SNX29: variants seen among roughly 807,000 people sequenced by gnomAD.
The protein encoded by SNX29 is sorting nexin-29.
A neutral mutation model predicts 102.1 loss-of-function variants in SNX29; 78 were observed. That is an observed-to-expected ratio of 0.76 (90% confidence interval 0.64 to 0.92). The LOEUF (loss-of-function observed/expected upper bound fraction) is 0.92. Among genes scored for constraint, SNX29 ranks in the 40% least tolerant of loss-of-function variants. The probability of loss-of-function intolerance (pLI) is 0.00; values close to 1 mark genes in which losing one functional copy is unlikely to be tolerated. For synonymous variants in SNX29, 580 were observed against 414.5 expected, an observed-to-expected ratio of 1.40 and a Z score of -4.85; for missense variants, 1,280 against 1,061.7, an observed-to-expected ratio of 1.21 and a Z score of -2.86.
intron 16 of SNX29, chr16:12,372,415 T>A (rs915691913): frequency 1.3e-5 from 2 of 152,220 alleles, no homozygotes; most frequent in African/African-American, 4.8e-5. Flanking sequence ...TCACTTTGTC[T>A]AATCTTATGT....
chr16:12,571,378 A>ACC lies in SNX29; in HGVS notation c.*2752_*2753dup, dbSNP rs1488185688. 4.3e-6 allele frequency: 1 copy of ACC among 231,564 alleles called. No homozygotes were observed. Among genetic ancestry groups the ACC allele is most frequent in the East Asian group, 6.1e-5 (1 of 16,354 alleles). The allele number at this position is 231,564 out of a possible 1,614,324, so 14.3% of individuals were successfully genotyped here. A position where few individuals can be genotyped will look rare whatever the true frequency, so the allele number is the denominator to read the frequency against. On this transcript the variant is annotated 3_prime_UTR_variant, in exon 21 of 21. Coordinates refer to ENST00000566228, the MANE Select transcript of SNX29 (RefSeq NM_032167.5). ...GACCTTATCCATGAGTGGCGAAGAC[A>ACC]CCCCTGAGGAAAGGATTGCTTGCAC... is the stretch of plus-strand genomic sequence containing the variant.
chr16:12,364,198 G>T (rs2082389160), intron 16 of SNX29, among the ~76,000 whole-genome samples: 1 of 151,464 alleles, frequency 6.6e-6, no homozygotes, highest in African/African-American at 2.4e-5. Flanking sequence ...GTTATGTTAT[G>T]TTATGTTATG....
At chr16:12,497,982 C>T (rs1434977488) in intron 19 of SNX29, among the ~76,000 whole-genome samples, 1 of 152,170 alleles carries the variant, frequency 6.6e-6, no homozygotes, top group African/African-American at 2.4e-5. Context: ...GGCTGTAGCA[C>T]TGTCACCAGG....
At chr16:12,327,294 C>T (rs1388989439) in intron 15 of SNX29, among the ~76,000 whole-genome samples, 1 of 152,056 alleles carries the variant, frequency 6.6e-6, no homozygotes, top group African/African-American at 2.4e-5. Context: ...GCAGGATGGG[C>T]GTCCTGTAGT....
chr16:12,100,870 G>A (rs2052980675), intron 11 of SNX29, among the ~76,000 whole-genome samples: 1 of 152,104 alleles, frequency 6.6e-6, no homozygotes, highest in Non-Finnish European at 1.5e-5. Flanking sequence ...CAGCTGGCAG[G>A]TGGGGGTCAC....
rs184485250 is a variant in SNX29, at chr16:12,148,041, T to A, written c.1595+18283T>A. 5.9e-5 allele frequency among the ~76,000 whole-genome samples: 9 copies of A among 152,322 alleles called. No homozygotes were observed. The East Asian group carries it at 1.7e-3, about 29-fold the overall frequency. ...GCTGAATTCGTACTGGTGCCAAACA[T>A]AGCCGAAGCAAAGATGTGTGAGACT... On this transcript the variant is annotated intron_variant, in intron 13 of 20. Transcript: ENST00000566228.
chr16:12,365,585 G>T (rs889008618), intron 16 of SNX29, among the ~76,000 whole-genome samples: 3 of 151,692 alleles, frequency 2.0e-5, no homozygotes, highest in African/African-American at 7.3e-5. Context: ...GGCTGCTTGG[G>T]AGGCTGAGGC....
intron 4 of SNX29, among the ~76,000 whole-genome samples, chr16:12,032,272 A>G (rs1466000819): frequency 2.1e-5 from 3 of 143,832 alleles, no homozygotes; most frequent in East Asian, 4.0e-4. Flanking sequence ...AAGTAGCGCT[A>G]TCTCAGCTCA....
At chr16:12,540,710 G>C (rs184464948) in intron 20 of SNX29, among the ~76,000 whole-genome samples, 132 of 152,294 alleles carry the variant, frequency 8.7e-4, no homozygotes, top group African/African-American at 2.8e-3. Flanking sequence ...ATATGAAGAC[G>C]CTCCAGGGAT....
At chr16:12,091,564 A>T (rs1335764501) in intron 11 of SNX29, among the ~76,000 whole-genome samples, 1 of 151,766 alleles carries the variant, frequency 6.6e-6, no homozygotes, top group Non-Finnish European at 1.5e-5. Flanking sequence ...AGGCAGGAGG[A>T]TTGCTTGATC....
intron 13 of SNX29, among the ~76,000 whole-genome samples, chr16:12,162,869 A>G (rs1197281151): frequency 6.6e-6 from 1 of 151,826 alleles, no homozygotes; most frequent in Non-Finnish European, 1.5e-5. Flanking sequence ...TTATCACACA[A>G]CATAGTTGTT....
chr16:12,313,921 G>C (rs556596142), intron 15 of SNX29, among the ~76,000 whole-genome samples: 1 of 152,386 alleles, frequency 6.6e-6, no homozygotes, highest in Non-Finnish European at 1.5e-5. Flanking sequence ...TGGCTGTTAA[G>C]TGGAGGGCCT....
At chr16:12,234,617 A>G (rs540096166) in intron 14 of SNX29, among the ~76,000 whole-genome samples, 6 of 152,230 alleles carry the variant, frequency 3.9e-5, no homozygotes, top group East Asian at 1.9e-4. Context: ...TTGGCATCAT[A>G]TCTAAGTTTG....
intron 10 of SNX29, among the ~76,000 whole-genome samples, chr16:12,077,884 G>T (rs1211784268): frequency 6.6e-6 from 1 of 152,074 alleles, no homozygotes; most frequent in East Asian, 1.9e-4. Flanking sequence ...GCCTCCCAAA[G>T]TATTGCGATT....
chr16:12,533,072 C>T (rs971372117), intron 20 of SNX29, among the ~76,000 whole-genome samples: 35 of 152,348 alleles, frequency 2.3e-4, no homozygotes, highest in African/African-American at 7.9e-4. Context: ...CCTTTGCAAG[C>T]CACAGCCCAC....
At chr16:12,547,316 G>A (rs902155113) in intron 20 of SNX29, among the ~76,000 whole-genome samples, 1 of 152,206 alleles carries the variant, frequency 6.6e-6, no homozygotes, top group Non-Finnish European at 1.5e-5. Flanking sequence ...GGGTAGCCCA[G>A]GAACAGAGAG....
intron 11 of SNX29, among the ~76,000 whole-genome samples, chr16:12,094,417 C>T (rs1268453637): frequency 1.3e-5 from 2 of 152,164 alleles, no homozygotes; most frequent in Non-Finnish European, 2.9e-5. Context: ...TGTTGAACTG[C>T]AAATAGGTTG....
intron 18 of SNX29, among the ~76,000 whole-genome samples, chr16:12,465,257 C>T (rs959289539): frequency 2.0e-5 from 3 of 148,030 alleles, no homozygotes; most frequent in Admixed American, 6.6e-5. Flanking sequence ...CTTATATTGC[C>T]TGTGCTTTGG....
chr16:12,427,049 G>C (rs1224033742), intron 18 of SNX29, among the ~76,000 whole-genome samples: 1 of 152,212 alleles, frequency 6.6e-6, no homozygotes. Context: ...GGTAACAAAA[G>C]AGAATGGATA....
Sources: gnomAD v4.1 joint callset for allele counts (sites outside exome capture counted in the v4.1 genomes callset) on GRCh38, gnomAD v4.1.1 for gene constraint, MANE v1.5 for transcripts, NCBI Gene and HGNC (gene_info 2026-07-23, HGNC 2026-07-21) for gene names.